Variants in ANO2 observed in about 807,000 individuals in gnomAD.
The protein encoded by ANO2 is anoctamin-2.
Under a neutral mutation model 124.2 loss-of-function variants are expected in ANO2, and 101 were observed. The ratio of observed to expected loss-of-function variants is 0.81; its 90% CI spans 0.69 to 0.96. The LOEUF (loss-of-function observed/expected upper bound fraction) is 0.96. Among genes scored for constraint, ANO2 ranks in the 40% least tolerant of loss-of-function variants. ANO2 has a pLI of 0.00. For missense variants in ANO2, 1,293 were observed against 1,274.5 expected, an observed-to-expected ratio of 1.01 and a Z score of -0.22; for synonymous variants, 486 against 482.5, an observed-to-expected ratio of 1.01 and a Z score of -0.09.
chr12:5,635,384 G>T lies in ANO2; in HGVS notation c.1621-37C>A. The T allele has an allele frequency of 6.9e-7, 1 of 1,453,974 alleles. No individual in the cohort carries two copies. Among genetic ancestry groups the T allele is most frequent in the Non-Finnish European group, 9.1e-7 (1 of 1,099,956 alleles). 90.1% of individuals were successfully genotyped at this position (1,453,974 alleles called of 1,614,324 possible). ...AACAGAGAGAAGTACACATCAGCCG[G>T]CAATTACCGAGCACCTACTATTTGC... is the stretch of plus-strand genomic sequence containing the variant. On this transcript the variant is annotated intron_variant, in intron 15 of 24. Coordinates refer to ENST00000682330, the MANE Select transcript of ANO2 (RefSeq NM_001364791.2). This position sits in a 1 kb window ranked among gnomAD's most constrained non-coding sequence, Gnocchi z 5.2.
At chr12:5,884,641 T>A (rs1276317675) in intron 3 of ANO2, among the ~76,000 whole-genome samples, 1 of 152,218 alleles carries the variant, frequency 6.6e-6, no homozygotes, top group East Asian at 1.9e-4. Flanking sequence ...CTTGGGAAGA[T>A]GGTTCCACCT....
chr12:5,599,986 G>C (rs1224242936), intron 19 of ANO2, among the ~76,000 whole-genome samples: 1 of 152,180 alleles, frequency 6.6e-6, no homozygotes, highest in Non-Finnish European at 1.5e-5. Flanking sequence ...TCTTCATGGG[G>C]GAACACAGGT....
At chr12:5,822,905 C>T (rs1312963677) in intron 7 of ANO2, among the ~76,000 whole-genome samples, 1 of 152,118 alleles carries the variant, frequency 6.6e-6, no homozygotes, top group South Asian at 2.1e-4. Flanking sequence ...ATGGCAGTGG[C>T]AAGAGGGCAA....
At chr12:5,703,892 T>TA (rs1037803768) in intron 14 of ANO2, among the ~76,000 whole-genome samples, 8 of 151,346 alleles carry the variant, frequency 5.3e-5, no homozygotes, top group East Asian at 1.9e-4. Context: ...TTTCCCAACT[T>TA]AAAAAAAAAT....
chr12:5,886,527 T>G (rs1423682033), intron 3 of ANO2, among the ~76,000 whole-genome samples: 3 of 152,210 alleles, frequency 2.0e-5, no homozygotes, highest in Non-Finnish European at 2.9e-5. Flanking sequence ...AATAGTATCA[T>G]GCACTTCAAA....
At chr12:5,705,435 T>C (rs1377528902) in intron 14 of ANO2, among the ~76,000 whole-genome samples, 1 of 152,216 alleles carries the variant, frequency 6.6e-6, no homozygotes, top group East Asian at 1.9e-4. Context: ...GAATCACAGG[T>C]ACACTTCCCC....
chr12:5,899,212 T>C (rs539843624), intron 3 of ANO2, among the ~76,000 whole-genome samples: 261 of 152,298 alleles, frequency 1.7e-3, no homozygotes, highest in Non-Finnish European at 2.7e-3. Flanking sequence ...ATCTCTTTCA[T>C]TGTCATTCCT....
At chr12:5,917,285 G>A (rs576225973) in intron 3 of ANO2, among the ~76,000 whole-genome samples, 1 of 152,140 alleles carries the variant, frequency 6.6e-6, no homozygotes, top group Admixed American at 6.5e-5. Flanking sequence ...GGGTGGCCAG[G>A]ACCATTACAT....
Position 5,612,925 on chromosome 12 carries a change from T to C in ANO2, c.1962A>G (p.Val654=). The change falls in exon 18 of 25, where the codon GTA becomes GTG. Residue 654 remains valine, a synonymous_variant. Coordinates refer to ENST00000682330, the MANE Select transcript of ANO2 (RefSeq NM_001364791.2). ...CCTCTTCCATGCGGTAACCATCGAA[T>C]ACATAGACGTAGCTTCCAGGCCTGC... The part of the protein sequence containing the change: ...FVGRPGSYVY[V]FDGYRMEECA... 1.2e-6 allele frequency: 2 copies of C among 1,613,890 alleles called. No homozygotes were observed. The highest frequency in any genetic ancestry group is 1.7e-6 in the Non-Finnish European group (2 of 1,179,870).
chr12:5,591,436 C>T (rs550280186), intron 20 of ANO2, among the ~76,000 whole-genome samples: 2 of 152,254 alleles, frequency 1.3e-5, no homozygotes, highest in East Asian at 3.9e-4. Context: ...AAAGTCTGTC[C>T]AGGTTTGTTG....
intron 14 of ANO2, among the ~76,000 whole-genome samples, chr12:5,725,333 T>C (rs1950395522): frequency 1.3e-5 from 2 of 152,162 alleles, no homozygotes; most frequent in African/African-American, 4.8e-5. Flanking sequence ...CAAATTTTTA[T>C]TTCTCTTCCC....
Position 5,834,502 on chromosome 12 carries a change from G to A in ANO2, c.634-1899C>T, listed in dbSNP as rs567064542. 1.9e-3 allele frequency among the ~76,000 whole-genome samples: 291 copies of A among 152,286 alleles called. 1 individual carries two copies. The highest frequency in any genetic ancestry group is 3.6e-3 in the African/African-American group (149 of 41,554). ...CAGTTGAGGAATTAGAAACATATTC[G>A]TTGAGGGAGTAGCATTTCAGTTGGA... On this transcript the variant is annotated intron_variant, in intron 4 of 24. Coordinates refer to ENST00000682330, the MANE Select transcript of ANO2 (RefSeq NM_001364791.2).
At chr12:5,912,702 C>T (rs1941126898) in intron 3 of ANO2, among the ~76,000 whole-genome samples, 1 of 152,136 alleles carries the variant, frequency 6.6e-6, no homozygotes, top group Admixed American at 6.5e-5. Context: ...TTGTTGTGTT[C>T]CCCAAAGATC....
intron 14 of ANO2, among the ~76,000 whole-genome samples, chr12:5,714,944 T>C (rs904393785): frequency 5.3e-5 from 8 of 152,194 alleles, no homozygotes; most frequent in Non-Finnish European, 8.8e-5. Context: ...AGGCATACCC[T>C]AGGTTCTGTG....
chr12:5,865,067 C>T (rs1442369141), intron 3 of ANO2, among the ~76,000 whole-genome samples: 3 of 152,122 alleles, frequency 2.0e-5, no homozygotes. Context: ...CTCCCTAAAC[C>T]CTTTATGTTA....
At chr12:5,825,256 T>G (rs1953921723) in intron 7 of ANO2, among the ~76,000 whole-genome samples, 1 of 152,172 alleles carries the variant, frequency 6.6e-6, no homozygotes, top group Admixed American at 6.5e-5. Flanking sequence ...GACAGAATGG[T>G]GGAATGGCCT....
At chr12:5,761,412 G>T (rs1469050586) in intron 10 of ANO2, among the ~76,000 whole-genome samples, 1 of 152,106 alleles carries the variant, frequency 6.6e-6, no homozygotes, top group Non-Finnish European at 1.5e-5. Flanking sequence ...AATTTTTAAT[G>T]TATTCTCCAC....
At chr12:5,564,709 G>A (rs1443477843) in intron 24 of ANO2, 1 of 152,344 alleles carries the variant, frequency 6.6e-6, no homozygotes, top group African/African-American at 2.4e-5. Context: ...AGACTCCTGG[G>A]GGTGGGGCAG....
chr12:5,636,727 T>G lies in ANO2; in HGVS notation c.1621-1380A>C. ...GCACAGGAGGAAAGGGGAGGGGAAG[T>G]GGGGGCCTCTGGCTTGGGCAGTGCT... On this transcript the variant is annotated intron_variant, in intron 15 of 24. Transcript: ENST00000682330. This position sits in a 1 kb window ranked among gnomAD's most constrained non-coding sequence, Gnocchi z 4.6. Among the ~76,000 whole-genome samples, 3 of 142,564 alleles carry G rather than the reference T, an allele frequency of 2.1e-5. No homozygotes were observed. The highest frequency in any genetic ancestry group is 1.4e-4 in the Admixed American group (2 of 14,260). The allele number at this position is 142,564 out of a possible 152,430, so 93.5% of individuals were successfully genotyped here.
Sources: gnomAD v4.1 joint callset for allele counts (sites outside exome capture counted in the v4.1 genomes callset) on GRCh38, gnomAD v4.1.1 for gene constraint, Gnocchi (gnomAD v3.1) non-coding constraint, MANE v1.5 for transcripts, NCBI Gene and HGNC (gene_info 2026-07-23, HGNC 2026-07-21) for gene names.